EDIL3: variants seen among roughly 807,000 people sequenced by gnomAD.
EDIL3 encodes the protein EGF-like repeat and discoidin I-like domain-containing protein 3.
Under a neutral mutation model 67.4 loss-of-function variants are expected in EDIL3, and 37 were observed. The ratio of observed to expected loss-of-function variants is 0.55; its 90% CI spans 0.42 to 0.72. The LOEUF is 0.72. Among genes scored for constraint, EDIL3 ranks in the 30% least tolerant of loss-of-function variants. The probability of loss-of-function intolerance (pLI) is 0.00; values close to 1 mark genes in which losing one functional copy is unlikely to be tolerated. For synonymous variants in EDIL3, 195 were observed against 196.3 expected (o/e 0.99, Z 0.05); for missense variants, 527 against 586.3 (o/e 0.90, Z 1.04).
At chr5:83,958,749 A>C (rs779610667) in intron 10 of EDIL3, among the ~76,000 whole-genome samples, 2 of 151,498 alleles carry the variant, frequency 1.3e-5, no homozygotes, top group African/African-American at 4.8e-5. Context: ...AAAATTAAAT[A>C]CTGAAAGTGT....
At chr5:84,030,816 C>A (rs145064514) in intron 9 of EDIL3, among the ~76,000 whole-genome samples, 1 of 152,154 alleles carries the variant, frequency 6.6e-6, no homozygotes, top group Admixed American at 6.5e-5. Context: ...GATTCTCCCA[C>A]GTCTTCTGGC....
Position 84,291,828 on chromosome 5 carries a change from C to CATAT in EDIL3, c.68-37617_68-37616insATAT, listed in dbSNP as rs200789310. Among the ~76,000 whole-genome samples, 222 of 147,946 alleles carry CATAT rather than the reference C, an allele frequency of 1.5e-3. 1 individual carries two copies. The highest frequency in any genetic ancestry group is 5.4e-3 in the African/African-American group (215 of 40,112). On this transcript the variant is annotated intron_variant, in intron 1 of 10. Transcript: ENST00000296591. ...ATATACACACACATATATATACACA[C>CATAT]ACATATATATATATATACCTACAGG...
chr5:84,384,314 C>G lies in EDIL3; in HGVS notation c.61G>C (p.Gly21Arg), dbSNP rs1748174425. The G allele has an allele frequency of 6.2e-7, 1 of 1,609,826 alleles. No individual in the cohort carries two copies. The highest frequency in any genetic ancestry group is 8.5e-7 in the Non-Finnish European group (1 of 1,178,158). ...VGLSLGVPQF[G>R]KGDICDPNPC... ...CCGGGTCCCGACGCCTTACCTTTGC[C>G]GAACTGGGGGACACCGAGGCTGAGC... is the stretch of plus-strand genomic sequence containing the variant. Residue 21 changes from glycine to arginine, a missense_variant, in exon 1 of 11, where the codon GGC (glycine) becomes CGC (arginine). Transcript: ENST00000296591.
intron 9 of EDIL3, among the ~76,000 whole-genome samples, chr5:84,044,556 C>T (rs996812834): frequency 7.2e-5 from 11 of 152,048 alleles, no homozygotes; most frequent in African/African-American, 2.7e-4. Flanking sequence ...AAAATCAAAG[C>T]AGGAAAAGAA....
chr5:83,955,982 TTGA>T (rs1744507682), intron 10 of EDIL3, among the ~76,000 whole-genome samples: 1 of 151,842 alleles, frequency 6.6e-6, no homozygotes, highest in African/African-American at 2.4e-5. Context: ...TGGCTTTCAA[TTGA>T]TGTTTCCAAA....
chr5:84,365,651 A>T (rs1747713435), intron 1 of EDIL3, among the ~76,000 whole-genome samples: 1 of 152,294 alleles, frequency 6.6e-6, no homozygotes, highest in East Asian at 1.9e-4. Flanking sequence ...AAACATAATA[A>T]AAACATATAT....
At chr5:84,314,465 G>C (rs1746469113) in intron 1 of EDIL3, among the ~76,000 whole-genome samples, 1 of 152,118 alleles carries the variant, frequency 6.6e-6, no homozygotes, top group African/African-American at 2.4e-5. Context: ...ATGAATGCAT[G>C]CAAAGGAAAG....
At chr5:84,289,768 ATTTG>A (rs1745878432) in intron 1 of EDIL3, among the ~76,000 whole-genome samples, 1 of 152,044 alleles carries the variant, frequency 6.6e-6, no homozygotes. Context: ...TTCTCACATT[ATTTG>A]TTTATCAGAA....
intron 9 of EDIL3, among the ~76,000 whole-genome samples, chr5:83,965,551 C>T (rs1744673800): frequency 6.6e-6 from 1 of 152,060 alleles, no homozygotes; most frequent in African/African-American, 2.4e-5. Context: ...AATATGAAAA[C>T]CTCCAGGCTG....
At chr5:84,293,804 G>A (rs1000190368) in intron 1 of EDIL3, among the ~76,000 whole-genome samples, 14 of 150,522 alleles carry the variant, frequency 9.3e-5, no homozygotes, top group African/African-American at 2.0e-4. Context: ...ACCAAATGAT[G>A]TTATATGAGT....
At chr5:84,379,034 G>A (rs1253820907) in intron 1 of EDIL3, among the ~76,000 whole-genome samples, 1 of 152,110 alleles carries the variant, frequency 6.6e-6, no homozygotes, top group Non-Finnish European at 1.5e-5. Flanking sequence ...GAGGAGGGGA[G>A]AGGAGGAGAA....
At chr5:83,965,457 T>C (rs1253665569) in intron 9 of EDIL3, among the ~76,000 whole-genome samples, 1 of 151,898 alleles carries the variant, frequency 6.6e-6, no homozygotes, top group Non-Finnish European at 1.5e-5. Context: ...ACTCAATACA[T>C]GGAAAAAAAA....
At chr5:84,121,419 C>A (rs1481069867) in intron 5 of EDIL3, among the ~76,000 whole-genome samples, 1 of 151,868 alleles carries the variant, frequency 6.6e-6, no homozygotes, top group African/African-American at 2.4e-5. Context: ...TGTTGTAGCC[C>A]AGAATCTCAC....
chr5:84,182,850 T>A (rs1749039636), intron 3 of EDIL3, among the ~76,000 whole-genome samples: 1 of 152,050 alleles, frequency 6.6e-6, no homozygotes, highest in South Asian at 2.1e-4. Context: ...AAAAACAATA[T>A]ATTTATTTAA....
chr5:84,074,156 G>T lies in EDIL3; in HGVS notation c.652-7550C>A, dbSNP rs563834149. 2.4e-3 allele frequency among the ~76,000 whole-genome samples: 358 copies of T among 150,710 alleles called. 1 individual carries two copies. The highest frequency in any genetic ancestry group is 6.9e-3 in the Middle Eastern group (2 of 288). Reference sequence around the variant, plus strand: ...AACTGGCTAGCCATATGTAGAAAGCGGAAACTGGATCCCTTCCTTACACCT... The same window carrying T: ...AACTGGCTAGCCATATGTAGAAAGCTGAAACTGGATCCCTTCCTTACACCT... On this transcript the variant is annotated intron_variant, in intron 6 of 10. Transcript: ENST00000296591.
chr5:84,301,654 C>T (rs1746163731), intron 1 of EDIL3, among the ~76,000 whole-genome samples: 1 of 152,150 alleles, frequency 6.6e-6, no homozygotes, highest in African/African-American at 2.4e-5. Flanking sequence ...TGCACAGTAT[C>T]ATGCTGCAGG....
intron 9 of EDIL3, among the ~76,000 whole-genome samples, chr5:83,984,240 A>G (rs1487671347): frequency 1.3e-5 from 2 of 152,100 alleles, no homozygotes; most frequent in African/African-American, 4.8e-5. Flanking sequence ...GAGTATGTGT[A>G]AAATAGAATA....
intron 1 of EDIL3, among the ~76,000 whole-genome samples, chr5:84,354,397 C>T (rs995451230): frequency 2.6e-5 from 4 of 152,102 alleles, no homozygotes; most frequent in Non-Finnish European, 4.4e-5. Flanking sequence ...TGGCTCACAC[C>T]TTTAATACCA....
At chr5:84,364,154 C>T (rs1747676876) in intron 1 of EDIL3, among the ~76,000 whole-genome samples, 1 of 152,086 alleles carries the variant, frequency 6.6e-6, no homozygotes, top group Non-Finnish European at 1.5e-5. Context: ...AAGCTACAAC[C>T]AAAACAGACA....
Sources: allele counts gnomAD v4.1 joint callset (sites outside exome capture counted in the v4.1 genomes callset), GRCh38; gene constraint gnomAD v4.1.1; transcripts MANE v1.5; gene names NCBI Gene and HGNC (gene_info 2026-07-23, HGNC 2026-07-21).